C8orf34: variants seen among roughly 807,000 people sequenced by gnomAD.
C8orf34 encodes the protein chromosome 8 open reading frame 34.
C8orf34 carries 65 observed loss-of-function variants against 68.3 expected under a neutral mutation model. The ratio of observed to expected loss-of-function variants is 0.95; its 90% CI spans 0.78 to 1.17. The LOEUF (loss-of-function observed/expected upper bound fraction) is 1.17, where lower values mean the gene tolerates loss of function less well. Ranked by LOEUF, C8orf34 falls within the 50% of genes most tolerant of loss-of-function variation. The pLI is 0.00. For missense variants in C8orf34, 664 were observed against 655.4 expected (o/e 1.01, Z -0.14); for synonymous variants, 244 against 241.2 (o/e 1.01, Z -0.11).
intron 1 of C8orf34, among the ~76,000 whole-genome samples, chr8:68,427,659 G>T (rs1243309461): frequency 1.3e-5 from 2 of 151,678 alleles, no homozygotes; most frequent in Non-Finnish European, 2.9e-5. Context: ...CAATAAAATT[G>T]CATGGAACTA....
chr8:68,458,991 C>G (rs1811667819), intron 3 of C8orf34, among the ~76,000 whole-genome samples: 1 of 152,212 alleles, frequency 6.6e-6, no homozygotes, highest in South Asian at 2.1e-4. Flanking sequence ...TGTCTCCCAT[C>G]AAATTCTACT....
At chr8:68,463,733 A>G (rs941233691) in intron 3 of C8orf34, among the ~76,000 whole-genome samples, 5 of 152,206 alleles carry the variant, frequency 3.3e-5, no homozygotes, top group South Asian at 2.1e-4. Context: ...CTTTGAAAAA[A>G]TTCAACAACG....
chr8:68,526,004 A>C, intron 6 of C8orf34: 1 of 235,720 alleles, frequency 4.2e-6, no homozygotes, highest in South Asian at 4.5e-5. Context: ...TGTCACACAG[A>C]CTGGAGTGCA....
At chr8:68,563,114 A>C (rs763138495) in intron 7 of C8orf34, among the ~76,000 whole-genome samples, 1 of 152,294 alleles carries the variant, frequency 6.6e-6, no homozygotes, top group African/African-American at 2.4e-5. Flanking sequence ...TAATATTACT[A>C]ACACTGTCAC....
At chr8:68,686,958 T>C (rs1160677228) in intron 8 of C8orf34, among the ~76,000 whole-genome samples, 1 of 151,982 alleles carries the variant, frequency 6.6e-6, no homozygotes, top group African/African-American at 2.4e-5. Context: ...CACAAGTCAA[T>C]AGCACTCGAC....
At chr8:68,600,336 T>G (rs886912264) in intron 7 of C8orf34, among the ~76,000 whole-genome samples, 2 of 152,176 alleles carry the variant, frequency 1.3e-5, no homozygotes, top group African/African-American at 2.4e-5. Context: ...TCAGATGGTG[T>G]TGTAATTTTT....
intron 1 of C8orf34, among the ~76,000 whole-genome samples, chr8:68,369,301 A>G (rs1807452539): frequency 6.6e-6 from 1 of 152,210 alleles, no homozygotes. Context: ...GTGGACAACC[A>G]AATATGCTTA....
At chr8:68,745,387 T>A (rs777677204) in intron 10 of C8orf34, among the ~76,000 whole-genome samples, 9 of 151,792 alleles carry the variant, frequency 5.9e-5, no homozygotes, top group Non-Finnish European at 8.8e-5. Flanking sequence ...TATAATAATA[T>A]TACCTTTAAA....
intron 7 of C8orf34, among the ~76,000 whole-genome samples, chr8:68,598,025 G>C (rs1817596925): frequency 6.6e-6 from 1 of 152,040 alleles, no homozygotes. Context: ...TCAAAACAAT[G>C]TTAATCATTG....
At chr8:68,662,922 T>A (rs748301915) in intron 8 of C8orf34, among the ~76,000 whole-genome samples, 5 of 152,206 alleles carry the variant, frequency 3.3e-5, no homozygotes, top group Non-Finnish European at 5.9e-5. Context: ...CAAATATGCC[T>A]CTTTGGCATA....
In C8orf34 at chr8:68,489,807, G is replaced by A. The variant is rs563671842; in HGVS notation, c.765+1756G>A. Reference sequence around the variant, plus strand: ...GTATTATTTTTACAAAAACCACAAAGCTAGTATCCTATTCCAAATATAATA... The same window carrying A: ...GTATTATTTTTACAAAAACCACAAAACTAGTATCCTATTCCAAATATAATA... On this transcript the variant is annotated intron_variant, in intron 5 of 13. Transcript: ENST00000518698. Among the ~76,000 whole-genome samples, 4 of 152,248 alleles carry A rather than the reference G, an allele frequency of 2.6e-5. No individual in the cohort carries two copies. In the South Asian group the frequency reaches 8.3e-4, roughly 32 times the overall value.
At chr8:68,576,146 ACACACACACACACATACACACC>A (rs777543079) in intron 7 of C8orf34, among the ~76,000 whole-genome samples, 5 of 151,268 alleles carry the variant, frequency 3.3e-5, no homozygotes, top group Non-Finnish European at 5.9e-5. Flanking sequence ...CTTTTTACAC[ACACACACACACACATACACACC>A]CACACAAACA....
At chr8:68,611,026 C>T (rs1818007618) in intron 7 of C8orf34, among the ~76,000 whole-genome samples, 1 of 151,946 alleles carries the variant, frequency 6.6e-6, no homozygotes, top group African/African-American at 2.4e-5. Flanking sequence ...CATCACCACG[C>T]CCAGCTAATT....
intron 7 of C8orf34, among the ~76,000 whole-genome samples, chr8:68,539,784 G>T (rs187391279): frequency 6.6e-6 from 1 of 151,984 alleles, no homozygotes; most frequent in Non-Finnish European, 1.5e-5. Flanking sequence ...AACCTGGGAG[G>T]CAGAGGTTGC....
chr8:68,335,025 C>G (rs1054674870), intron 1 of C8orf34, among the ~76,000 whole-genome samples: 1 of 152,122 alleles, frequency 6.6e-6, no homozygotes, highest in African/African-American at 2.4e-5. Context: ...AAAAAATGCT[C>G]CTTGCGTTTA....
chr8:68,740,412 A>C (rs1351791890), intron 10 of C8orf34, among the ~76,000 whole-genome samples: 2 of 151,764 alleles, frequency 1.3e-5, no homozygotes, highest in Non-Finnish European at 3.0e-5. Context: ...AAGAAAAAAA[A>C]CCATTATAAA....
At chr8:68,463,063 AAGAG>A (rs985723130) in intron 3 of C8orf34, among the ~76,000 whole-genome samples, 5 of 152,230 alleles carry the variant, frequency 3.3e-5, no homozygotes, top group East Asian at 3.9e-4. Flanking sequence ...TAAAGAAAAA[AAGAG>A]AGAAGAATCA....
intron 5 of C8orf34, among the ~76,000 whole-genome samples, chr8:68,495,081 C>T (rs889619654): frequency 2.0e-5 from 3 of 151,628 alleles, no homozygotes; most frequent in African/African-American, 7.3e-5. Context: ...GTCTCAATAG[C>T]GAAGTACAGG....
intron 5 of C8orf34, among the ~76,000 whole-genome samples, chr8:68,502,653 C>T (rs1343656798): frequency 6.6e-6 from 1 of 152,098 alleles, no homozygotes; most frequent in Non-Finnish European, 1.5e-5. Context: ...ATACAAATTA[C>T]ACTTAAAGGT....
Sources: gnomAD v4.1 joint callset for allele counts (sites outside exome capture counted in the v4.1 genomes callset) on GRCh38, gnomAD v4.1.1 for gene constraint, MANE v1.5 for transcripts, NCBI Gene and HGNC (gene_info 2026-07-23, HGNC 2026-07-21) for gene names.